TXNRD2: variants seen among roughly 807,000 people sequenced by gnomAD.
TXNRD2 encodes the protein thioredoxin reductase 2, mitochondrial.
Under a neutral mutation model 70.8 loss-of-function variants are expected in TXNRD2, and 67 were observed. That is an observed-to-expected ratio of 0.95 (90% CI 0.78 to 1.16). TXNRD2 has a LOEUF of 1.16. Ranked by LOEUF, TXNRD2 falls within the 50% of genes most tolerant of loss-of-function variation. The pLI, the probability that TXNRD2 is intolerant of heterozygous loss-of-function variation, is 0.00. For synonymous variants in TXNRD2, 301 were observed against 295.8 expected, an observed-to-expected ratio of 1.02 and a Z score of -0.18; for missense variants, 644 against 719.9, an observed-to-expected ratio of 0.89 and a Z score of 1.21.
chr22:19,915,859 A>T lies in TXNRD2; in HGVS notation c.450-16T>A. 1.2e-6 allele frequency: 2 copies of T among 1,610,430 alleles called. No individual in the cohort carries two copies. Among genetic ancestry groups the T allele is most frequent in the South Asian group, 1.1e-5 (1 of 91,008 alleles). On this transcript the variant is annotated splice_polypyrimidine_tract_variant and intron_variant, in intron 5 of 17. Transcript: ENST00000400521. ...CTTGACTTTTCTGAAAGATAAAGAT[A>T]AGATTTTCAAACACTTCCTCTGCAA...
At chr22:19,890,924 G>A (rs1268378300) in intron 11 of TXNRD2, among the ~76,000 whole-genome samples, 2 of 152,044 alleles carry the variant, frequency 1.3e-5, no homozygotes, top group African/African-American at 4.8e-5. Context: ...CCTGGGCACC[G>A]CCAGCCCCCA....
intron 10 of TXNRD2, 125 bp from the exon 11 acceptor site, chr22:19,895,706 A>T: frequency 9.3e-7 from 1 of 1,078,244 alleles, no homozygotes; most frequent in Non-Finnish European, 1.4e-6. Context: ...ACGGGGTGAG[A>T]CACCCTGCCC....
chr22:19,889,565 G>A (rs1939176499), intron 11 of TXNRD2, among the ~76,000 whole-genome samples: 1 of 152,230 alleles, frequency 6.6e-6, no homozygotes, highest in Admixed American at 6.5e-5. Flanking sequence ...GAGCCAGATC[G>A]CGCTCCTGCA....
At position 19,892,597 on chromosome 22, in the gene TXNRD2, C is replaced by T. The variant is rs576925245; in HGVS notation, c.949+2810G>A. 1.0e-4 allele frequency among the ~76,000 whole-genome samples: 16 copies of T among 152,384 alleles called. No homozygotes were observed. In the South Asian group the frequency reaches 1.9e-3, roughly 18 times the overall value. ...CTGCCAGGCTGACGCCCCGGCTTTCCGGGGACACAGCCCCCGGCCCATTGG... is the reference window on the plus strand; with the variant it reads ...CTGCCAGGCTGACGCCCCGGCTTTCTGGGGACACAGCCCCCGGCCCATTGG... On this transcript the variant is annotated intron_variant, in intron 11 of 17. Transcript: ENST00000400521.
At chr22:19,904,157 A>G (rs1183421442) in intron 8 of TXNRD2, among the ~76,000 whole-genome samples, 2 of 151,944 alleles carry the variant, frequency 1.3e-5, no homozygotes, top group Non-Finnish European at 2.9e-5. Flanking sequence ...GGGCAGCCAG[A>G]ACGTCCCCCG....
At chr22:19,878,566 C>A in intron 14 of TXNRD2, 129 bp from the exon 15 acceptor site, 1 of 908,010 alleles carries the variant, frequency 1.1e-6, no homozygotes, top group South Asian at 1.3e-5. Context: ...GCCTGAAGGT[C>A]TGGTCTGGGA....
chr22:19,927,673 AAAAG>A (rs1172912753), intron 2 of TXNRD2, among the ~76,000 whole-genome samples: 20 of 147,274 alleles, frequency 1.4e-4, no homozygotes, highest in Non-Finnish European at 2.0e-4. Flanking sequence ...AAAAAAAAAG[AAAAG>A]AAAGAAAGAA....
At chr22:19,938,221 C>T (rs1002141624) in intron 1 of TXNRD2, 1 of 152,184 alleles carries the variant, frequency 6.6e-6, no homozygotes, top group Non-Finnish European at 1.5e-5. Flanking sequence ...TCATACTAGT[C>T]TCATTAATTC....
chr22:19,940,266 AC>A (rs1166236581), intron 1 of TXNRD2, among the ~76,000 whole-genome samples: 11 of 147,966 alleles, frequency 7.4e-5, no homozygotes, highest in African/African-American at 2.0e-4. Context: ...AAAAAAAAAA[AC>A]CCCAAAAAAA....
intron 8 of TXNRD2, among the ~76,000 whole-genome samples, chr22:19,901,956 T>G (rs1010310581): frequency 1.5e-4 from 23 of 152,224 alleles, no homozygotes; most frequent in African/African-American, 5.1e-4. Context: ...CCCAGCACTC[T>G]GGGAGGCCAA....
chr22:19,907,038 C>G (rs1241241276), intron 8 of TXNRD2, among the ~76,000 whole-genome samples: 1 of 88,140 alleles, frequency 1.1e-5, no homozygotes, highest in Non-Finnish European at 2.2e-5. Flanking sequence ...TAGCAGTGAC[C>G]GCTCTCAGGA....
At chr22:19,911,598 G>C in intron 7 of TXNRD2, 151 bp from the exon 8 acceptor site, 1 of 714,080 alleles carries the variant, frequency 1.4e-6, no homozygotes, top group Non-Finnish European at 2.5e-6. Context: ...TTGTCTGCAG[G>C]CTGTGGCCTC....
chr22:19,934,421 A>C (rs1199985967), intron 1 of TXNRD2, among the ~76,000 whole-genome samples: 2 of 150,288 alleles, frequency 1.3e-5, no homozygotes, highest in Admixed American at 6.6e-5. Flanking sequence ...TAGTCTGGGT[A>C]CAGTGGCTCA....
intron 7 of TXNRD2, 62 bp from the exon 8 acceptor site, chr22:19,911,509 TA>T (rs1940411113): frequency 6.2e-6 from 8 of 1,288,090 alleles, no homozygotes; most frequent in African/African-American, 4.4e-5. Flanking sequence ...AGGGCTTCCT[TA>T]AAGAGGATGC....
At chr22:19,890,261 A>G (rs1323298448) in intron 11 of TXNRD2, among the ~76,000 whole-genome samples, 1 of 152,218 alleles carries the variant, frequency 6.6e-6, no homozygotes, top group Non-Finnish European at 1.5e-5. Flanking sequence ...AGCTCCATGA[A>G]TGTTCATCTT....
intron 8 of TXNRD2, among the ~76,000 whole-genome samples, chr22:19,900,461 G>T (rs2145983176): frequency 6.6e-6 from 1 of 152,334 alleles, no homozygotes; most frequent in Non-Finnish European, 1.5e-5. Context: ...TTTAAGATAT[G>T]AAGTTATGGC....
intron 12 of TXNRD2, among the ~76,000 whole-genome samples, chr22:19,882,498 C>A (rs574464724): frequency 6.6e-6 from 1 of 152,244 alleles, no homozygotes; most frequent in Non-Finnish European, 1.5e-5. Flanking sequence ...TGCACCCAGC[C>A]CCAGCTGACA....
rs938145163 is a variant in TXNRD2, at chr22:19,898,023, G to C, written c.774+16C>G. ...CTCAGAGCCACAGGGGCGGGAGCTG[G>C]GGCCTCCAGCACTACCTGGTCGAAG... On this transcript the variant is annotated intron_variant, in intron 10 of 17. Transcript: ENST00000400521. 2.6e-6 allele frequency: 4 copies of C among 1,548,440 alleles called. No individual in the cohort carries two copies. The African/African-American group carries it at 5.5e-5, about 21-fold the overall frequency.
rs566962977 is a variant in TXNRD2, at chr22:19,911,702, C to T, written c.592-255G>A. 1.4e-4 allele frequency among the ~76,000 whole-genome samples: 22 copies of T among 152,286 alleles called. 1 individual carries two copies. Among genetic ancestry groups the T allele is most frequent in the African/African-American group, 5.1e-4 (21 of 41,546 alleles). On this transcript the variant is annotated intron_variant, in intron 7 of 17. Transcript: ENST00000400521. ...ACCTTTCCCCTCTGTTCCCCAGGACCCTCCCCTTGACCCTGGTTCAGAGCA... is the reference window on the plus strand; with the variant it reads ...ACCTTTCCCCTCTGTTCCCCAGGACTCTCCCCTTGACCCTGGTTCAGAGCA...
Sources: gnomAD v4.1 joint callset for allele counts (sites outside exome capture counted in the v4.1 genomes callset) on GRCh38, gnomAD v4.1.1 for gene constraint, MANE v1.5 for transcripts, NCBI Gene and HGNC (gene_info 2026-07-23, HGNC 2026-07-21) for gene names.